PCM1: variants seen among roughly 807,000 people sequenced by gnomAD.
The protein encoded by PCM1 is pericentriolar material 1, also known as pericentriolar material 1 protein.
Under a neutral mutation model 241.9 loss-of-function variants are expected in PCM1, and 157 were observed. The ratio of observed to expected loss-of-function variants is 0.65; its 90% confidence interval spans 0.57 to 0.74. The LOEUF (loss-of-function observed/expected upper bound fraction) is 0.74. Ranked by LOEUF, PCM1 falls within the 30% of genes least tolerant of loss-of-function variation. PCM1 has a pLI of 0.00. For missense variants in PCM1, 3,478 were observed against 2,360.1 expected (o/e 1.47, Z -9.81); for synonymous variants, 1,085 against 784.9 (o/e 1.38, Z -6.39).
intron 38 of PCM1, 68 bp from the exon 39 acceptor site, chr8:18,027,569 C>CAGAGA: frequency 9.0e-7 from 1 of 1,114,524 alleles, no homozygotes. Context: ...GCTTTAATGA[C>CAGAGA]AGAGAACAAT....
At chr8:17,968,629 AATATAT>A (rs142208962) in intron 21 of PCM1, among the ~76,000 whole-genome samples, 3 of 149,872 alleles carry the variant, frequency 2.0e-5, no homozygotes, top group Non-Finnish European at 3.0e-5. Context: ...GGGCTTTGTG[AATATAT>A]ATATATATAA....
rs1374045311 is a variant in PCM1, at chr8:17,965,999, G to A, written c.2856G>A (p.Arg952=). The A allele has an allele frequency of 6.2e-7, 1 of 1,606,662 alleles. No homozygotes were observed. The change falls in exon 19 of 39, where the codon AGG becomes AGA. Residue 952 remains arginine, a splice_region_variant and synonymous_variant. Coordinates refer to ENST00000325083, the MANE Select transcript of PCM1 (RefSeq NM_006197.4). Reference sequence around the variant, plus strand: ...CTTAATGCTTTCAATCTTGTGTTAGGTGGAAGAACAATTGCCCTTTTTCGG... The same window carrying A: ...CTTAATGCTTTCAATCTTGTGTTAGATGGAAGAACAATTGCCCTTTTTCGG... ...NSYNGKETKN[R]WKNNCPFSAD...
chr8:17,979,133 GAAAA>G (rs57467397), intron 23 of PCM1, among the ~76,000 whole-genome samples: 2 of 86,264 alleles, frequency 2.3e-5, no homozygotes, highest in Non-Finnish European at 5.5e-5. Flanking sequence ...CAAAAGAAAA[GAAAA>G]AAAAAAAAAA....
At chr8:17,957,497 T>A in intron 12 of PCM1, 43 bp from the exon 13 acceptor site, 1 of 1,606,386 alleles carries the variant, frequency 6.2e-7, no homozygotes, top group African/African-American at 1.3e-5. Context: ...GTGTGCTCTT[T>A]CCTTTAAAAG....
At chr8:17,964,220 A>C (rs1415633125) in intron 17 of PCM1, among the ~76,000 whole-genome samples, 1 of 152,240 alleles carries the variant, frequency 6.6e-6, no homozygotes, top group Non-Finnish European at 1.5e-5. Context: ...TGGATAGCAC[A>C]GATACAGATG....
intron 36 of PCM1, among the ~76,000 whole-genome samples, chr8:18,015,990 G>A (rs1386432437): frequency 6.6e-6 from 1 of 152,208 alleles, no homozygotes; most frequent in Non-Finnish European, 1.5e-5. Context: ...CTGGGTTCAG[G>A]TGATTCTCCT....
chr8:17,956,924 C>T, intron 11 of PCM1, 147 bp downstream of exon 11: 1 of 674,932 alleles, frequency 1.5e-6, no homozygotes, highest in East Asian at 2.7e-5. Context: ...TCATCTCTGC[C>T]CTGTGAAGAA....
intron 2 of PCM1, chr8:17,928,091 G>C (rs2057706188): frequency 6.6e-6 from 1 of 152,168 alleles, no homozygotes; most frequent in Non-Finnish European, 1.5e-5. Context: ...GCTACCCGTA[G>C]TACTGTCATC....
chr8:18,009,258 A>C (rs748439013), intron 30 of PCM1, among the ~76,000 whole-genome samples: 1 of 152,174 alleles, frequency 6.6e-6, no homozygotes, highest in East Asian at 1.9e-4. Flanking sequence ...CTGTCAGGGA[A>C]CTTTCTGGTA....
chr8:17,943,312 A>G (rs560235751), intron 6 of PCM1, among the ~76,000 whole-genome samples: 34 of 152,058 alleles, frequency 2.2e-4, no homozygotes, highest in African/African-American at 7.5e-4. Flanking sequence ...AGTTATGGGA[A>G]TCTTATTATA....
At chr8:17,950,829 G>A (rs2065753189) in intron 8 of PCM1, 105 bp downstream of exon 8, 1 of 727,978 alleles carries the variant, frequency 1.4e-6, no homozygotes, top group Non-Finnish European at 2.4e-6. Flanking sequence ...TGATTGTTGA[G>A]CAGTGTAGGT....
At chr8:17,963,862 G>C (rs1057175380) in intron 17 of PCM1, among the ~76,000 whole-genome samples, 1 of 152,132 alleles carries the variant, frequency 6.6e-6, no homozygotes. Context: ...GATATCCTCA[G>C]ATGGCATTTC....
At position 17,956,167 on chromosome 8, in the gene PCM1, A is replaced by G. The variant is rs149362939; in HGVS notation, c.1473-437A>G. Among the ~76,000 whole-genome samples the G allele has an allele frequency of 3.8e-3, 584 of 152,296 alleles. 11 individuals are homozygous for G. Among genetic ancestry groups the G allele is most frequent in the East Asian group, 0.021 (108 of 5,188 alleles). On this transcript the variant is annotated intron_variant, in intron 10 of 38. Coordinates refer to ENST00000325083, the MANE Select transcript of PCM1 (RefSeq NM_006197.4). ...TTTATTTTTGGTAAACGTAGTATGT[A>G]GTGTATAGATCTCATATGTGCAGAC...
intron 13 of PCM1, among the ~76,000 whole-genome samples, chr8:17,959,347 G>C (rs1270772784): frequency 1.5e-5 from 2 of 131,826 alleles, no homozygotes; most frequent in Non-Finnish European, 3.3e-5. Flanking sequence ...ACAGTACATA[G>C]TTATTTGTAG....
intron 6 of PCM1, among the ~76,000 whole-genome samples, chr8:17,946,834 T>A (rs1038403782): frequency 1.6e-4 from 14 of 88,186 alleles, no homozygotes; most frequent in Non-Finnish European, 2.4e-4. Context: ...GATTCTTCAG[T>A]GTGTGTGTGT....
At chr8:17,929,369 C>G (rs980687859) in intron 2 of PCM1, among the ~76,000 whole-genome samples, 1 of 152,126 alleles carries the variant, frequency 6.6e-6, no homozygotes, top group African/African-American at 2.4e-5. Context: ...AAGATCTGGT[C>G]TTCTCTTACT....
At chr8:17,996,990 G>T (rs1473834270) in intron 29 of PCM1, among the ~76,000 whole-genome samples, 1 of 152,072 alleles carries the variant, frequency 6.6e-6, no homozygotes, top group Non-Finnish European at 1.5e-5. Context: ...TCTATTACTG[G>T]TGAATTTTGT....
At chr8:17,970,006 C>T (rs2076309246) in intron 22 of PCM1, among the ~76,000 whole-genome samples, 3 of 152,052 alleles carry the variant, frequency 2.0e-5, no homozygotes, top group African/African-American at 4.8e-5. Flanking sequence ...CCTGTCTTTA[C>T]GGTTAAAGCA....
intron 23 of PCM1, among the ~76,000 whole-genome samples, chr8:17,974,857 GCA>G (rs60355433): frequency 0.08 from 10,550 of 132,690 alleles, 440 homozygotes; most frequent in African/African-American, 0.14. Context: ...CCACTTTAAG[GCA>G]CACACACACA....
Sources: allele counts gnomAD v4.1 joint callset (sites outside exome capture counted in the v4.1 genomes callset), GRCh38; gene constraint gnomAD v4.1.1; transcripts MANE v1.5; gene names NCBI Gene and HGNC (gene_info 2026-07-23, HGNC 2026-07-21).